Variants in SETX observed in about 807,000 individuals in gnomAD.
The protein encoded by SETX is helicase senataxin.
SETX carries 90 observed loss-of-function variants against 227.2 expected under a neutral mutation model. The observed-to-expected ratio is 0.40, with a 90% CI of 0.33 to 0.47. The LOEUF is 0.47. Among genes scored for constraint, SETX ranks in the 20% least tolerant of loss-of-function variants. The probability of loss-of-function intolerance (pLI) is 0.91; values close to 1 mark genes in which losing one functional copy is unlikely to be tolerated. For synonymous variants in SETX, 1,210 were observed against 1,113.2 expected, an observed-to-expected ratio of 1.09 and a Z score of -1.73; for missense variants, 3,052 against 3,181.5, an observed-to-expected ratio of 0.96 and a Z score of 0.98.
chr9:132,301,508 C>A (rs1400186247), intron 11 of SETX, among the ~76,000 whole-genome samples: 1 of 151,888 alleles, frequency 6.6e-6, no homozygotes, highest in African/African-American at 2.4e-5. Flanking sequence ...AGTGATGGAC[C>A]GGATATATAC....
At chr9:132,294,571 ATG>A (rs1034758443) in intron 15 of SETX, among the ~76,000 whole-genome samples, 36 of 152,214 alleles carry the variant, frequency 2.4e-4, no homozygotes, top group African/African-American at 8.0e-4. Flanking sequence ...ACAAAGGAAA[ATG>A]TGTGTGATTC....
Position 132,264,814 on chromosome 9 carries a change from G to GGGGTCT in SETX, c.7453_7458dup (p.Arg2485_Pro2486dup). On this transcript the variant is annotated inframe_insertion, in exon 26 of 26. Transcript: ENST00000224140. ...AGCTTGCTGCTGGGCAAACCACCCTGGGGTCTGGACCCCTCTGGGGCTATG... is the reference window on the plus strand; with the variant it reads ...AGCTTGCTGCTGGGCAAACCACCCTGGGGTCTGGGTCTGGACCCCTCTGGGGCTATG... 1 of 1,614,208 alleles carries GGGGTCT rather than the reference G, an allele frequency of 6.2e-7. No individual in the cohort carries two copies. The highest frequency in any genetic ancestry group is 8.5e-7 in the Non-Finnish European group (1 of 1,180,036).
Position 132,327,657 on chromosome 9 carries a change from C to T in SETX, c.3941G>A (p.Gly1314Asp), listed in dbSNP as rs1269398373. The T allele has an allele frequency of 6.2e-7, 1 of 1,613,716 alleles. No homozygotes were observed. Among genetic ancestry groups the T allele is most frequent in the African/African-American group, 1.3e-5 (1 of 74,812 alleles). ...GGTATCAACTACTCCAACAGTTTTG[C>T]CATGATCACGTAATTGAGCTACATA... The part of the protein sequence containing the change: ...LDYVAQLRDH[G>D]KTVGVVDTRK... The change falls in exon 10 of 26, where the codon GGC becomes GAC. Residue 1314 changes from glycine (G) to aspartate (D), a missense_variant. Around this residue, in one of 10 missense-constraint regions of SETX, gnomAD observed 1,483 missense variants for 1,312.0 expected, o/e 1.13. Transcript: ENST00000224140.
rs368043412 is a variant in SETX, at chr9:132,284,119, A to G, written c.6397-706T>C. ...CCATGGAATTCAAGGCATTCGTGTG[A>G]GCTTTAGGAAGAGGGTGGCACTGTG... On this transcript the variant is annotated intron_variant, in intron 18 of 25. Coordinates refer to ENST00000224140, the MANE Select transcript of SETX (RefSeq NM_015046.7). Among the ~76,000 whole-genome samples the G allele has an allele frequency of 7.2e-5, 11 of 152,302 alleles. No homozygotes were observed. In the East Asian group the frequency reaches 1.2e-3, roughly 16 times the overall value.
Position 132,300,638 on chromosome 9 carries a change from G to A in SETX, c.5540C>T (p.Thr1847Met), listed in dbSNP as rs763859485. 1.1e-5 allele frequency: 17 copies of A among 1,613,356 alleles called. No homozygotes were observed. The highest frequency in any genetic ancestry group is 2.7e-5 in the African/African-American group (2 of 74,870). The change falls in exon 12 of 26, where the codon ACG becomes ATG. Residue 1847 changes from threonine to methionine, a missense_variant. By Grantham distance (81) the Thr-to-Met change is moderately conservative. Around this residue, in one of 10 missense-constraint regions of SETX, gnomAD observed 239 missense variants for 272.1 expected, o/e 0.88. Coordinates refer to ENST00000224140, the MANE Select transcript of SETX (RefSeq NM_015046.7). ...HSGYVHKFRRTSVMRNGKTEC... is the reference protein window; with the variant it reads ...HSGYVHKFRRMSVMRNGKTEC... The stretch of plus-strand genomic sequence containing the variant: ...CCTCATTATTTACTTACTGACTGAC[G>A]TGCGGCGAAATTTATGAACATAACC...
At position 132,263,132 on chromosome 9, in the gene SETX, GGA is replaced by G. The variant is rs1842475587; in HGVS notation, c.*1105_*1106del. The G allele has an allele frequency of 6.6e-6, 1 of 152,168 alleles. No individual in the cohort carries two copies. The highest frequency in any genetic ancestry group is 2.4e-5 in the African/African-American group (1 of 41,430). 9.4% of individuals were successfully genotyped at this position (152,168 alleles called of 1,614,324 possible). A position where few individuals can be genotyped will look rare whatever the true frequency, so the allele number is the denominator to read the frequency against. ...AGGTAGATGATTTCTGAAGATCACA[GGA>G]AGTCTACCACTCTCTTCCCAGTTCT... On this transcript the variant is annotated 3_prime_UTR_variant, in exon 26 of 26. Coordinates refer to ENST00000224140, the MANE Select transcript of SETX (RefSeq NM_015046.7).
intron 11 of SETX, among the ~76,000 whole-genome samples, chr9:132,311,315 G>A (rs531038332): frequency 5.6e-4 from 85 of 152,108 alleles, no homozygotes; most frequent in Non-Finnish European, 1.0e-3. Flanking sequence ...GGGGGTTGGG[G>A]GTAAAAAGAG....
chr9:132,297,852 T>G (rs1270611792), intron 13 of SETX, among the ~76,000 whole-genome samples: 1 of 152,206 alleles, frequency 6.6e-6, no homozygotes, highest in Non-Finnish European at 1.5e-5. Flanking sequence ...CCTAACATTT[T>G]AATGTTGCTC....
chr9:132,339,074 T>G (rs1847812553), intron 5 of SETX, among the ~76,000 whole-genome samples: 1 of 152,180 alleles, frequency 6.6e-6, no homozygotes, highest in African/African-American at 2.4e-5. Context: ...TTTTCCCAAT[T>G]TTTAACTAGT....
chr9:132,309,000 T>G (rs143358229), intron 11 of SETX, among the ~76,000 whole-genome samples: 3 of 152,020 alleles, frequency 2.0e-5, no homozygotes, highest in African/African-American at 7.2e-5. Context: ...TTGCCAGGCA[T>G]AGTGGTGCAC....
chr9:132,338,421 G>A (rs1346586615), intron 5 of SETX, among the ~76,000 whole-genome samples: 2 of 151,946 alleles, frequency 1.3e-5, no homozygotes, highest in Non-Finnish European at 2.9e-5. Flanking sequence ...AGGCAGAGCA[G>A]GAATGACTGT....
upstream of SETX, among the ~76,000 whole-genome samples, chr9:132,356,561 A>G (rs1379274824): frequency 6.6e-6 from 1 of 152,184 alleles, no homozygotes; most frequent in Non-Finnish European, 1.5e-5. Flanking sequence ...ACCGTCTTAC[A>G]GTTAATAGAG....
intron 10 of SETX, among the ~76,000 whole-genome samples, chr9:132,314,165 TCAC>T (rs1845832406): frequency 6.6e-6 from 1 of 152,110 alleles, no homozygotes. Flanking sequence ...CGATCTCGGC[TCAC>T]CACAACCTCC....
At chr9:132,355,708 CG>C (rs143633539), upstream of SETX, among the ~76,000 whole-genome samples, 850 of 151,998 alleles carry the variant, frequency 5.6e-3, 11 homozygotes, top group African/African-American at 0.019. Context: ...CCACCGAGGC[CG>C]GGCGCGGTGG....
Position 132,264,516 on chromosome 9 carries a change from T to C in SETX, c.7757A>G (p.His2586Arg). 3 of 1,613,950 alleles carry C rather than the reference T, an allele frequency of 1.9e-6. No individual in the cohort carries two copies. The highest frequency in any genetic ancestry group is 1.1e-5 in the South Asian group (1 of 91,082). The change falls in exon 26 of 26, where the codon CAT (histidine) becomes CGT (arginine). Residue 2586 changes from histidine to arginine, a missense_variant. Coordinates refer to ENST00000224140, the MANE Select transcript of SETX (RefSeq NM_015046.7). ...GFPVVHQDLSHIQQPAAVVAA... is the reference protein window; with the variant it reads ...GFPVVHQDLSRIQQPAAVVAA... ...CACTACAGCAGCGGGCTGCTGTATATGGCTCAGGTCCTGGTGAACGACAGG... is the reference window on the plus strand; with the variant it reads ...CACTACAGCAGCGGGCTGCTGTATACGGCTCAGGTCCTGGTGAACGACAGG...
intron 4 of SETX, among the ~76,000 whole-genome samples, chr9:132,344,146 G>T (rs536232533): frequency 5.9e-5 from 9 of 152,230 alleles, no homozygotes; most frequent in Admixed American, 1.3e-4. Context: ...TGGTATTTTT[G>T]ATTCCACTTT....
Position 132,261,406 on chromosome 9 carries a change from T to C in SETX, c.*2833A>G, listed in dbSNP as rs1842411987. On this transcript the variant is annotated 3_prime_UTR_variant, in exon 26 of 26. Coordinates refer to ENST00000224140, the MANE Select transcript of SETX (RefSeq NM_015046.7). ...AATTGCACAAATCCCCACCAAGTAA[T>C]TTCAGCATAAAGCAAACCAAATGGC... 2 of 152,210 alleles carry C rather than the reference T, an allele frequency of 1.3e-5. No homozygotes were observed. The highest frequency in any genetic ancestry group is 6.5e-5 in the Admixed American group (1 of 15,272). 9.4% of individuals were successfully genotyped at this position (152,210 alleles called of 1,614,324 possible). A position where few individuals can be genotyped will look rare whatever the true frequency, so the allele number is the denominator to read the frequency against.
intron 10 of SETX, among the ~76,000 whole-genome samples, chr9:132,314,432 C>T (rs1230381745): frequency 6.6e-6 from 1 of 152,048 alleles, no homozygotes; most frequent in Non-Finnish European, 1.5e-5. Flanking sequence ...ACCATGCTGG[C>T]CAGCTGGTCT....
At chr9:132,266,914 G>T (rs1311070218) in intron 25 of SETX, among the ~76,000 whole-genome samples, 5 of 152,186 alleles carry the variant, frequency 3.3e-5, no homozygotes, top group Non-Finnish European at 5.9e-5. Context: ...TGATGACTAT[G>T]GATTGGGAAG....
Sources: gnomAD v4.1 joint callset for allele counts (sites outside exome capture counted in the v4.1 genomes callset) on GRCh38, gnomAD v4.1.1 for gene constraint, gnomAD v4.1.1 regional missense constraint, MANE v1.5 for transcripts, NCBI Gene and HGNC (gene_info 2026-07-23, HGNC 2026-07-21) for gene names.